The following RAVER2 variants were observed in gnomAD, a reference collection of about 807,000 sequenced individuals.
RAVER2 encodes ribonucleoprotein, PTB binding 2.
A neutral mutation model predicts 78.1 loss-of-function variants in RAVER2; 46 were observed. That is an observed-to-expected ratio of 0.59 (90% CI 0.46 to 0.75). The LOEUF (loss-of-function observed/expected upper bound fraction) is 0.75. Ranked by LOEUF, RAVER2 falls within the 30% of genes least tolerant of loss-of-function variation. RAVER2 has a pLI of 0.00. For missense variants in RAVER2, 793 were observed against 837.5 expected (o/e 0.95, Z 0.66); for synonymous variants, 311 against 313.3 (o/e 0.99, Z 0.08).
intron 5 of RAVER2, 99 bp downstream of exon 5, chr1:64,789,613 AT>A: frequency 1.0e-6 from 1 of 972,644 alleles, no homozygotes; most frequent in Non-Finnish European, 1.4e-6. Flanking sequence ...TTTGTGAAAA[AT>A]ATATTTAAAT....
intron 5 of RAVER2, among the ~76,000 whole-genome samples, chr1:64,792,498 T>G (rs1652971930): frequency 6.6e-6 from 1 of 152,248 alleles, no homozygotes; most frequent in Non-Finnish European, 1.5e-5. Context: ...TCATCTCAAG[T>G]ATTATTTTTG....
rs200005863 is a variant in RAVER2, at chr1:64,800,131, G to GTT, written c.1106-2834_1106-2833dup. Reference sequence around the variant, plus strand: ...TATTTGGGGTGTTTTTTTGTTTTTTGTTTTTTTTTTTTGCTGTTGAATTGC... The same window carrying GTT: ...TATTTGGGGTGTTTTTTTGTTTTTTGTTTTTTTTTTTTTTGCTGTTGAATTGC... On this transcript the variant is annotated intron_variant, in intron 5 of 11. Coordinates refer to ENST00000294428, the Ensembl canonical transcript of RAVER2. 9.4e-3 allele frequency among the ~76,000 whole-genome samples: 1,299 copies of GTT among 137,728 alleles called. 24 individuals are homozygous for GTT. Among genetic ancestry groups the GTT allele is most frequent in the East Asian group, 0.034 (161 of 4,774 alleles). 90.4% of individuals were successfully genotyped at this position (137,728 alleles called of 152,430 possible). A position where few individuals can be genotyped will look rare whatever the true frequency, so the allele number is the denominator to read the frequency against.
chr1:64,821,695 G>A (rs944591938), intron 11 of RAVER2, among the ~76,000 whole-genome samples: 2 of 152,114 alleles, frequency 1.3e-5, no homozygotes, highest in African/African-American at 4.8e-5. Context: ...TAAAAGGTGC[G>A]GGGATAACTG....
intron 8 of RAVER2, among the ~76,000 whole-genome samples, chr1:64,806,263 T>C (rs991821236): frequency 6.6e-6 from 1 of 152,084 alleles, no homozygotes; most frequent in African/African-American, 2.4e-5. Context: ...TGCAAAAAAT[T>C]AGCCAGGCAT....
At chr1:64,750,284 T>A (rs1651661710) in intron 1 of RAVER2, among the ~76,000 whole-genome samples, 1 of 151,468 alleles carries the variant, frequency 6.6e-6, no homozygotes, top group Admixed American at 6.6e-5. Flanking sequence ...TTTTTTCTGC[T>A]CTTTCTCTTT....
At chr1:64,800,054 A>G (rs1234533197) in intron 5 of RAVER2, among the ~76,000 whole-genome samples, 1 of 150,532 alleles carries the variant, frequency 6.6e-6, no homozygotes, top group Non-Finnish European at 1.5e-5. Context: ...GGTCATTTAT[A>G]TGCCTTCTGA....
chr1:64,770,851 G>A (rs1181624361), intron 2 of RAVER2, among the ~76,000 whole-genome samples: 2 of 151,820 alleles, frequency 1.3e-5, no homozygotes, highest in Non-Finnish European at 2.9e-5. Flanking sequence ...GAAAAAATTA[G>A]TGAACTTGAA....
At chr1:64,812,315 T>G (rs1317493689) in intron 9 of RAVER2, among the ~76,000 whole-genome samples, 1 of 141,782 alleles carries the variant, frequency 7.1e-6, no homozygotes, top group Non-Finnish European at 1.5e-5. Flanking sequence ...TGAGCTGAGA[T>G]TGCACCATTG....
rs935229375 is a variant in RAVER2 at position 64,779,109 on chromosome 1, C to T, written c.786+1017C>T. Among the ~76,000 whole-genome samples, 12 of 151,428 alleles carry T rather than the reference C, an allele frequency of 7.9e-5. No individual in the cohort carries two copies. The East Asian group carries it at 2.1e-3, about 27-fold the overall frequency. On this transcript the variant is annotated intron_variant, in intron 3 of 11. Coordinates refer to ENST00000294428, the Ensembl canonical transcript of RAVER2. ...TCAAGCTATTTAACATATGTATTAC[C>T]TCACATAGTTATCATTTTTGTGGTA...
chr1:64,817,794 C>T (rs537242942), intron 11 of RAVER2, among the ~76,000 whole-genome samples: 16 of 151,806 alleles, frequency 1.1e-4, no homozygotes, highest in Non-Finnish European at 2.1e-4. Context: ...GGAGATATAC[C>T]TAATGTAAAT....
chr1:64,772,478 C>A (rs1432070151), intron 2 of RAVER2, among the ~76,000 whole-genome samples: 1 of 152,068 alleles, frequency 6.6e-6, no homozygotes, highest in African/African-American at 2.4e-5. Flanking sequence ...TTAGGGAGCT[C>A]ACAGTTTAGT....
chr1:64,745,408 A>G lies in RAVER2; in HGVS notation c.236A>G (p.Asp79Gly), dbSNP rs938715666. The change falls in exon 1 of 12, where the codon GAC (aspartate) becomes GGC (glycine). Residue 79 changes from aspartate (D) to glycine (G), a missense_variant. Transcript: ENST00000294428. The surrounding 1 kb of genome is among the most constrained non-coding windows in gnomAD (Gnocchi z 4.3). ...ATCCTGGTGAAAAACCTGCCCCAGGACAGCAACTGCCAGGTACTGGGACGG... is the reference window on the plus strand; with the variant it reads ...ATCCTGGTGAAAAACCTGCCCCAGGGCAGCAACTGCCAGGTACTGGGACGG... 1.2e-5 allele frequency: 19 copies of G among 1,534,154 alleles called. No homozygotes were observed. The African/African-American group carries it at 2.2e-4, about 18-fold the overall frequency.
chr1:64,800,766 C>T (rs1209620327), intron 5 of RAVER2, among the ~76,000 whole-genome samples: 8 of 152,072 alleles, frequency 5.3e-5, no homozygotes, highest in Non-Finnish European at 1.2e-4. Context: ...ACATTCCCTC[C>T]AATCCTGTGT....
intron 11 of RAVER2, among the ~76,000 whole-genome samples, chr1:64,822,948 T>G (rs1490153241): frequency 1.3e-5 from 2 of 152,168 alleles, no homozygotes; most frequent in African/African-American, 4.8e-5. Context: ...CCACATATGA[T>G]ATTCCATTTA....
chr1:64,745,530 C>G lies in RAVER2; in HGVS notation c.249+109C>G, dbSNP rs1452314081. On this transcript the variant is annotated intron_variant, in intron 1 of 11. Coordinates refer to ENST00000294428, the Ensembl canonical transcript of RAVER2. The surrounding 1 kb of genome is among the most constrained non-coding windows in gnomAD (Gnocchi z 4.3). The stretch of plus-strand genomic sequence containing the variant: ...AGAGCGGTCCTGGGGAGTGGGTCGG[C>G]GCCGAGTGGTGAGAGCGGCCCCTCG... The G allele has an allele frequency of 3.1e-6, 4 of 1,287,228 alleles. No homozygotes were observed. In the East Asian group the frequency reaches 1.5e-4, roughly 48 times the overall value. 79.7% of individuals were successfully genotyped at this position (1,287,228 alleles called of 1,614,324 possible).
intron 2 of RAVER2, among the ~76,000 whole-genome samples, chr1:64,770,054 A>G (rs1652273667): frequency 6.6e-6 from 1 of 152,006 alleles, no homozygotes; most frequent in South Asian, 2.1e-4. Context: ...ATGTGAATTT[A>G]TTACGATTAA....
chr1:64,824,660 T>G (rs1007857609), intron 11 of RAVER2, among the ~76,000 whole-genome samples: 1 of 152,028 alleles, frequency 6.6e-6, no homozygotes, highest in Non-Finnish European at 1.5e-5. Flanking sequence ...CTGGGCGGGG[T>G]GGCTCATGCT....
chr1:64,815,613 G>A (rs575556023), intron 11 of RAVER2: 1 of 152,112 alleles, frequency 6.6e-6, no homozygotes, highest in African/African-American at 2.4e-5. Flanking sequence ...CTTCTTCTCA[G>A]ATCTATCCTG....
chr1:64,752,699 G>C (rs1221445581), intron 1 of RAVER2, among the ~76,000 whole-genome samples: 1 of 152,096 alleles, frequency 6.6e-6, no homozygotes, highest in African/African-American at 2.4e-5. Context: ...TTTTTCGAGA[G>C]GGATTGGTTA....
Sources: gnomAD v4.1 joint callset for allele counts (sites outside exome capture counted in the v4.1 genomes callset) on GRCh38, gnomAD v4.1.1 for gene constraint, Gnocchi (gnomAD v3.1) non-coding constraint, MANE v1.5 for transcripts, NCBI Gene and HGNC (gene_info 2026-07-23, HGNC 2026-07-21) for gene names.